The following SPEF2 variants were observed in gnomAD, a reference collection of about 807,000 sequenced individuals.
SPEF2 encodes the protein sperm flagellar and cilia associated 2.
A neutral mutation model predicts 224.6 loss-of-function variants in SPEF2; 187 were observed. That is an observed-to-expected ratio of 0.83 (90% CI 0.74 to 0.94). The LOEUF (loss-of-function observed/expected upper bound fraction) is 0.94, where lower values mean the gene tolerates loss of function less well. SPEF2 is among the 40% of genes least tolerant of loss of function. The pLI is 0.00. For synonymous variants in SPEF2, 715 were observed against 707.3 expected (o/e 1.01, Z -0.17); for missense variants, 2,170 against 2,135.6 (o/e 1.02, Z -0.32).
chr5:35,738,603 C>A (rs552636249), intron 21 of SPEF2, among the ~76,000 whole-genome samples: 1 of 149,158 alleles, frequency 6.7e-6, no homozygotes, highest in South Asian at 2.2e-4. Context: ...GAAAGCTTTG[C>A]TCTTGTCTGC....
At chr5:35,636,253 CA>C (rs1745818525) in intron 2 of SPEF2, among the ~76,000 whole-genome samples, 1 of 152,092 alleles carries the variant, frequency 6.6e-6, no homozygotes, top group Admixed American at 6.5e-5. Flanking sequence ...CACTTTGGAC[CA>C]ATACATTTTC....
intron 23 of SPEF2, 32 bp downstream of exon 23, chr5:35,740,299 T>A: frequency 6.2e-7 from 1 of 1,611,002 alleles, no homozygotes; most frequent in Non-Finnish European, 8.5e-7. Context: ...GGGACAGGGT[T>A]AGCTGGCTTT....
At position 35,637,313 on chromosome 5, in the gene SPEF2, T is replaced by A. The variant is rs575977639; in HGVS notation, c.162-4118T>A. On this transcript the variant is annotated intron_variant, in intron 2 of 36. Transcript: ENST00000356031. ...TTTTTACAATTTTTATGAGTGTTAT[T>A]GTTGCCTTTAAGGAGGAACCGATTT... is the stretch of plus-strand genomic sequence containing the variant. Among the ~76,000 whole-genome samples, 7 of 152,360 alleles carry A rather than the reference T, an allele frequency of 4.6e-5. No individual in the cohort carries two copies. The South Asian group carries it at 1.4e-3, about 32-fold the overall frequency.
chr5:35,640,699 T>C (rs1746511733), intron 2 of SPEF2, among the ~76,000 whole-genome samples: 1 of 152,182 alleles, frequency 6.6e-6, no homozygotes, highest in Non-Finnish European at 1.5e-5. Flanking sequence ...TGAAGTTTGA[T>C]TGATGCCGCA....
At chr5:35,703,440 A>G (rs1364255520) in intron 16 of SPEF2, among the ~76,000 whole-genome samples, 1 of 152,166 alleles carries the variant, frequency 6.6e-6, no homozygotes, top group African/African-American at 2.4e-5. Context: ...GCTAGTGAAG[A>G]GATTCATCAA....
At chr5:35,792,277 A>T in intron 30 of SPEF2, 63 bp from the exon 31 acceptor site, 1 of 1,289,538 alleles carries the variant, frequency 7.8e-7, no homozygotes, top group Non-Finnish European at 1.1e-6. Flanking sequence ...CTTCTATTTT[A>T]GCAAAAGAAG....
intron 23 of SPEF2, among the ~76,000 whole-genome samples, chr5:35,746,715 A>G (rs1295350557): frequency 6.6e-6 from 1 of 152,160 alleles, no homozygotes; most frequent in African/African-American, 2.4e-5. Context: ...TTCCTGAGGA[A>G]GAAGAGAATT....
chr5:35,786,369 C>T lies in SPEF2; in HGVS notation c.4448-5971C>T, dbSNP rs149932023. Among the ~76,000 whole-genome samples the T allele has an allele frequency of 4.6e-3, 701 of 152,008 alleles. 4 individuals carry two copies. Among genetic ancestry groups the T allele is most frequent in the African/African-American group, 0.014 (587 of 41,504 alleles). On this transcript the variant is annotated intron_variant, in intron 30 of 36. Transcript: ENST00000356031. ...AGCCGCAAAAAGACTGATTAAAAAG[C>T]GAAGGAGAGGCTGGGCGTGGTGGCT...
intron 33 of SPEF2, among the ~76,000 whole-genome samples, chr5:35,797,317 G>GGTGTGTGTGTGT (rs3219619): frequency 1.7e-4 from 24 of 142,170 alleles, no homozygotes; most frequent in East Asian, 4.0e-4. Context: ...ATGGCTGACG[G>GGTGTGTGTGTGT]GTGTGTGTGT....
rs1461949898 is a variant in SPEF2 at position 35,763,640 on chromosome 5, G to A, written c.3739G>A (p.Glu1247Lys). 1.2e-6 allele frequency: 2 copies of A among 1,613,904 alleles called. No homozygotes were observed. Among genetic ancestry groups the A allele is most frequent in the Non-Finnish European group, 1.7e-6 (2 of 1,179,916 alleles). Reference sequence around the variant, plus strand: ...CCTAGAAAACGTTGAGTCCAACTTTGAGGCCGATGAAAAGTTGGTCATGGA... The same window carrying A: ...CCTAGAAAACGTTGAGTCCAACTTTAAGGCCGATGAAAAGTTGGTCATGGA... ...NSLENVESNF[E>K]ADEKLVMDTW... Residue 1247 changes from glutamate (E) to lysine (K), a missense_variant, in exon 26 of 37, where the codon GAG becomes AAG. By Grantham distance (56) the Glu-to-Lys change is moderately conservative. Coordinates refer to ENST00000356031, the MANE Select transcript of SPEF2 (RefSeq NM_024867.4).
intron 1 of SPEF2, among the ~76,000 whole-genome samples, chr5:35,626,106 A>G (rs1459326889): frequency 1.3e-5 from 2 of 152,176 alleles, no homozygotes; most frequent in Non-Finnish European, 2.9e-5. Context: ...CAGGCGGTAC[A>G]ATAGATCTAG....
rs1220333998 is a variant in SPEF2 at position 35,637,383 on chromosome 5, CATA to C, written c.162-4044_162-4042del. On this transcript the variant is annotated intron_variant, in intron 2 of 36. Coordinates refer to ENST00000356031, the MANE Select transcript of SPEF2 (RefSeq NM_024867.4). ...CATTTACGAAGATGTACTTCAAATTCATAATATTTTAACCTGATACTTCCTGCT... is the reference window on the plus strand; with the variant it reads ...CATTTACGAAGATGTACTTCAAATTCATATTTTAACCTGATACTTCCTGCT... 2.0e-5 allele frequency among the ~76,000 whole-genome samples: 3 copies of C among 152,234 alleles called. No homozygotes were observed. The South Asian group carries it at 6.2e-4, about 32-fold the overall frequency.
At chr5:35,622,523 A>G (rs2149356698) in intron 1 of SPEF2, among the ~76,000 whole-genome samples, 1 of 152,346 alleles carries the variant, frequency 6.6e-6, no homozygotes. Flanking sequence ...AGATGTGTTA[A>G]GAGCATTGTT....
At chr5:35,656,129 A>G (rs1443930158) in intron 7 of SPEF2, among the ~76,000 whole-genome samples, 1 of 152,110 alleles carries the variant, frequency 6.6e-6, no homozygotes, top group Non-Finnish European at 1.5e-5. Context: ...CTGGAGGTGT[A>G]ATTTGCTGAG....
intron 21 of SPEF2, among the ~76,000 whole-genome samples, chr5:35,734,706 TTTC>T (rs1295314190): frequency 9.8e-5 from 3 of 30,586 alleles, no homozygotes; most frequent in Non-Finnish European, 2.4e-4. Flanking sequence ...CTTTCTTTTT[TTTC>T]TTTTTTTTTT....
At chr5:35,759,478 C>G in intron 24 of SPEF2, 90 bp from the exon 25 acceptor site, 1 of 1,163,756 alleles carries the variant, frequency 8.6e-7, no homozygotes, top group Non-Finnish European at 1.1e-6. Context: ...TAAATGTTTT[C>G]AAAATAGTGC....
chr5:35,794,011 C>T (rs1330671482), intron 32 of SPEF2, among the ~76,000 whole-genome samples: 3 of 152,084 alleles, frequency 2.0e-5, no homozygotes, highest in East Asian at 3.9e-4. Context: ...GGCCACTGGA[C>T]GTGGCAGGTG....
intron 10 of SPEF2, among the ~76,000 whole-genome samples, chr5:35,682,810 G>A (rs1753020281): frequency 1.3e-5 from 2 of 152,192 alleles, no homozygotes; most frequent in South Asian, 4.1e-4. Context: ...GGTGAATGAG[G>A]AAGCTCCATT....
intron 27 of SPEF2, among the ~76,000 whole-genome samples, chr5:35,773,097 A>G (rs1233526652): frequency 5.3e-5 from 8 of 152,216 alleles, no homozygotes; most frequent in Non-Finnish European, 1.0e-4. Flanking sequence ...TAATTAAATT[A>G]GCCAGGAGCA....
Sources: allele counts gnomAD v4.1 joint callset (sites outside exome capture counted in the v4.1 genomes callset), GRCh38; gene constraint gnomAD v4.1.1; transcripts MANE v1.5; gene names NCBI Gene and HGNC (gene_info 2026-07-23, HGNC 2026-07-21).